EPDR1: variants seen among roughly 807,000 people sequenced by gnomAD.
The protein encoded by EPDR1 is mammalian ependymin-related protein 1.
A neutral mutation model predicts 23.7 loss-of-function variants in EPDR1; 27 were observed. The observed-to-expected ratio is 1.14, with a 90% CI of 0.84 to 1.57. The LOEUF (loss-of-function observed/expected upper bound fraction) is 1.57. Ranked by LOEUF, EPDR1 falls within the 40% of genes most tolerant of loss-of-function variation. The probability of loss-of-function intolerance (pLI) is 0.00; values close to 1 mark genes in which losing one functional copy is unlikely to be tolerated. For missense variants in EPDR1, 349 were observed against 290.4 expected (o/e 1.20, Z -1.47); for synonymous variants, 137 against 118.2 (o/e 1.16, Z -1.03).
chr7:37,942,806 A>C (rs753231516), intron 1 of EPDR1, among the ~76,000 whole-genome samples: 4 of 152,240 alleles, frequency 2.6e-5, no homozygotes, highest in African/African-American at 4.8e-5. Context: ...TTTCAAAAGC[A>C]AGAAAACTTC....
Position 37,950,626 on chromosome 7 carries a change from T to C in EPDR1, c.*230T>C. The stretch of plus-strand genomic sequence containing the variant: ...CCATATGAACTGACTAGATGGCTAA[T>C]ATGGACACTTTGGGTATTTCTAATG... On this transcript the variant is annotated 3_prime_UTR_variant, in exon 3 of 3. Coordinates refer to ENST00000199448, the MANE Select transcript of EPDR1 (RefSeq NM_017549.5). The C allele has an allele frequency of 7.9e-6, 4 of 506,396 alleles. No homozygotes were observed. In the South Asian group the frequency reaches 1.4e-4, roughly 17 times the overall value. The allele number at this position is 506,396 out of a possible 1,614,324, so 31.4% of individuals were successfully genotyped here. A position where few individuals can be genotyped will look rare whatever the true frequency, so the allele number is the denominator to read the frequency against.
chr7:37,942,672 A>G (rs1389547237), intron 1 of EPDR1, among the ~76,000 whole-genome samples: 1 of 152,166 alleles, frequency 6.6e-6, no homozygotes, highest in Non-Finnish European at 1.5e-5. Flanking sequence ...ATGTCCAGAC[A>G]CATGTACAGA....
At chr7:37,936,441 A>G (rs1786055568) in intron 1 of EPDR1, among the ~76,000 whole-genome samples, 2 of 152,184 alleles carry the variant, frequency 1.3e-5, no homozygotes, top group South Asian at 2.1e-4. Flanking sequence ...CCTACATTCT[A>G]TTTAATATTG....
chr7:37,939,145 A>T (rs940517905), intron 1 of EPDR1, among the ~76,000 whole-genome samples: 1 of 151,684 alleles, frequency 6.6e-6, no homozygotes, highest in Non-Finnish European at 1.5e-5. Flanking sequence ...CACCCGGCTA[A>T]TTTTTTTGTA....
intron 1 of EPDR1, among the ~76,000 whole-genome samples, chr7:37,930,050 A>T (rs1031818205): frequency 6.6e-6 from 1 of 152,192 alleles, no homozygotes; most frequent in Non-Finnish European, 1.5e-5. Flanking sequence ...TCTTGGGATG[A>T]TGGCTCCCCT....
At chr7:37,936,580 C>G (rs1786057637) in intron 1 of EPDR1, among the ~76,000 whole-genome samples, 1 of 151,980 alleles carries the variant, frequency 6.6e-6, no homozygotes, top group African/African-American at 2.4e-5. Context: ...CACAAAAGAC[C>G]TGAACATAAA....
At chr7:37,939,827 G>T (rs1156268015) in intron 1 of EPDR1, among the ~76,000 whole-genome samples, 3 of 152,084 alleles carry the variant, frequency 2.0e-5, no homozygotes, top group African/African-American at 7.2e-5. Context: ...AAAGAAAAAA[G>T]GCACTATAAT....
intron 1 of EPDR1, among the ~76,000 whole-genome samples, chr7:37,936,686 A>G (rs1333145246): frequency 1.3e-5 from 2 of 152,142 alleles, no homozygotes; most frequent in Non-Finnish European, 2.9e-5. Flanking sequence ...TGCTAGAATG[A>G]TAGTGTAAGA....
intron 1 of EPDR1, among the ~76,000 whole-genome samples, chr7:37,924,486 T>C (rs1785777823): frequency 6.6e-6 from 1 of 152,204 alleles, no homozygotes. Flanking sequence ...CCTTCTTCCA[T>C]GACTCCATGA....
At position 37,921,513 on chromosome 7, in the gene EPDR1, C is replaced by T; in HGVS notation, c.269+305C>T. Reference sequence around the variant, plus strand: ...CAGAGTGCCCCATGCCCAGGTTCGCCCCTGTTCTCACGCTGCTGAGTCAGG... The same window carrying T: ...CAGAGTGCCCCATGCCCAGGTTCGCTCCTGTTCTCACGCTGCTGAGTCAGG... On this transcript the variant is annotated intron_variant, in intron 1 of 2. Transcript: ENST00000199448. 5 of 1,316,132 alleles carry T rather than the reference C, an allele frequency of 3.8e-6. No homozygotes were observed. In the South Asian group the frequency reaches 1.2e-4, roughly 31 times the overall value. The allele number at this position is 1,316,132 out of a possible 1,614,324, so 81.5% of individuals were successfully genotyped here.
intron 1 of EPDR1, among the ~76,000 whole-genome samples, chr7:37,928,048 G>A (rs1583662894): frequency 6.6e-6 from 1 of 152,234 alleles, no homozygotes; most frequent in South Asian, 2.1e-4. Context: ...AATTAATGCT[G>A]AGATGGGGAG....
At chr7:37,947,446 C>T (rs767610987) in intron 1 of EPDR1, among the ~76,000 whole-genome samples, 6 of 152,170 alleles carry the variant, frequency 3.9e-5, no homozygotes, top group African/African-American at 4.8e-5. Context: ...AAGTGACGCA[C>T]GACTGTGTTT....
At chr7:37,942,197 CA>C (rs1398336517) in intron 1 of EPDR1, among the ~76,000 whole-genome samples, 2 of 151,854 alleles carry the variant, frequency 1.3e-5, no homozygotes, top group Non-Finnish European at 2.9e-5. Flanking sequence ...TCACAATAGC[CA>C]AAAGTTAGGA....
chr7:37,931,977 G>A (rs1785950759), intron 1 of EPDR1, among the ~76,000 whole-genome samples: 1 of 152,094 alleles, frequency 6.6e-6, no homozygotes, highest in Non-Finnish European at 1.5e-5. Flanking sequence ...CAAAGTGCTG[G>A]GATTACACGC....
At chr7:37,931,526 T>C (rs1020122670) in intron 1 of EPDR1, among the ~76,000 whole-genome samples, 1 of 151,262 alleles carries the variant, frequency 6.6e-6, no homozygotes, top group East Asian at 1.9e-4. Flanking sequence ...AATAAATAAA[T>C]AAAAAAAATA....
chr7:37,950,076 C>T, intron 2 of EPDR1, 124 bp from the exon 3 acceptor site: 1 of 682,118 alleles, frequency 1.5e-6, no homozygotes, highest in Non-Finnish European at 2.4e-6. Flanking sequence ...TACTCAAGGC[C>T]ACCAAACACT....
chr7:37,924,212 T>C (rs1785771722), intron 1 of EPDR1, among the ~76,000 whole-genome samples: 2 of 152,112 alleles, frequency 1.3e-5, no homozygotes, highest in African/African-American at 4.8e-5. Context: ...GAGCAAAGAG[T>C]TGGAGCAAAT....
At chr7:37,933,577 T>A (rs1785986705) in intron 1 of EPDR1, among the ~76,000 whole-genome samples, 1 of 152,222 alleles carries the variant, frequency 6.6e-6, no homozygotes. Context: ...CTGCTTTGGA[T>A]GTGTTCTTTT....
chr7:37,921,300 C>A, intron 1 of EPDR1, 92 bp downstream of exon 1: 1 of 1,459,042 alleles, frequency 6.9e-7, no homozygotes, highest in Non-Finnish European at 9.0e-7. Flanking sequence ...TAACTCTTTC[C>A]GGCCCCTTGC....
Sources: gnomAD v4.1 joint callset for allele counts (sites outside exome capture counted in the v4.1 genomes callset) on GRCh38, gnomAD v4.1.1 for gene constraint, MANE v1.5 for transcripts, NCBI Gene and HGNC (gene_info 2026-07-23, HGNC 2026-07-21) for gene names.